TRPC5: variants seen among roughly 807,000 people sequenced by gnomAD.
TRPC5 encodes the protein transient receptor potential cation channel subfamily C member 5.
TRPC5 carries 9 observed loss-of-function variants against 56.5 expected under a neutral mutation model. That is an observed-to-expected ratio of 0.16 (90% CI 0.10 to 0.28). The LOEUF (loss-of-function observed/expected upper bound fraction) is 0.28, where lower values mean the gene tolerates loss of function less well. Ranked by LOEUF, TRPC5 falls within the 10% of genes least tolerant of loss-of-function variation. The pLI is 1.00. For missense variants in TRPC5, 469 were observed against 748.9 expected, an observed-to-expected ratio of 0.63 and a Z score of 4.36; for synonymous variants, 282 against 278.5, an observed-to-expected ratio of 1.01 and a Z score of -0.13.
At chrX:112,055,642 T>C (rs1468397140) in intron 1 of TRPC5, among the ~76,000 whole-genome samples, 1 of 109,541 alleles carries the variant, frequency 9.1e-6, no homozygotes, top group African/African-American at 3.3e-5. Flanking sequence ...ATGGTTAATT[T>C]CATCCTTATT....
intron 7 of TRPC5, among the ~76,000 whole-genome samples, chrX:111,816,872 A>G (rs1174653991): frequency 8.9e-6 from 1 of 111,990 alleles, no homozygotes; most frequent in Non-Finnish European, 1.9e-5. Context: ...ATGTACGGTC[A>G]GAAAGAACAG....
At chrX:111,808,068 G>C (rs1921580218) in intron 7 of TRPC5, among the ~76,000 whole-genome samples, 2 of 108,470 alleles carry the variant, frequency 1.8e-5, no homozygotes, top group African/African-American at 6.8e-5. Flanking sequence ...GACTTCCCTG[G>C]GTCAGACCTG....
chrX:111,829,553 A>G (rs1922347357), intron 7 of TRPC5, among the ~76,000 whole-genome samples: 1 of 112,007 alleles, frequency 8.9e-6, no homozygotes, highest in Admixed American at 9.4e-5. Context: ...GGCTAGGCCC[A>G]GGGACCACCT....
At chrX:111,883,145 A>G (rs1428613958) in intron 3 of TRPC5, among the ~76,000 whole-genome samples, 2 of 111,217 alleles carry the variant, frequency 1.8e-5, no homozygotes, top group African/African-American at 6.5e-5. Flanking sequence ...TCTAGATTGC[A>G]CAGTTAAATC....
In TRPC5 at chrX:111,774,089, T is replaced by A. The variant is rs777424466; in HGVS notation, c.*2224A>T. 1.8e-5 allele frequency among the ~76,000 whole-genome samples: 2 copies of A among 111,722 alleles called. No homozygotes were observed. The highest frequency in any genetic ancestry group is 6.5e-5 in the African/African-American group (2 of 30,787). ...AAAAGGAATGTACTCCCGTGACATATGACACTGGTTCTTTCAATAGTAGAG... is the reference window on the plus strand; with the variant it reads ...AAAAGGAATGTACTCCCGTGACATAAGACACTGGTTCTTTCAATAGTAGAG... On this transcript the variant is annotated 3_prime_UTR_variant, in exon 11 of 11. Transcript: ENST00000262839.
intron 1 of TRPC5, among the ~76,000 whole-genome samples, chrX:112,040,242 G>A (rs963159359): frequency 8.9e-6 from 1 of 112,170 alleles, no homozygotes; most frequent in Non-Finnish European, 1.9e-5. Flanking sequence ...TGATGTGTTC[G>A]TACATGACCT....
chrX:111,973,451 C>T, intron 1 of TRPC5, among the ~76,000 whole-genome samples: 1 of 112,133 alleles, frequency 8.9e-6, no homozygotes, highest in East Asian at 2.8e-4. Context: ...TAATATTTTT[C>T]CTCTGGAGAG....
At chrX:111,839,931 G>C (rs1922678308) in intron 6 of TRPC5, among the ~76,000 whole-genome samples, 2 of 111,384 alleles carry the variant, frequency 1.8e-5, no homozygotes, top group South Asian at 3.7e-4. Context: ...AGCACTTTGG[G>C]AGGCCAAGTT....
chrX:112,010,710 C>T (rs1223367019), intron 1 of TRPC5, among the ~76,000 whole-genome samples: 2 of 111,537 alleles, frequency 1.8e-5, no homozygotes, highest in African/African-American at 6.5e-5. Context: ...TAAGGCAGCT[C>T]CATTATAGTC....
At chrX:111,853,621 T>C (rs770729711) in intron 4 of TRPC5, 149 bp downstream of exon 4, 1 of 511,492 alleles carries the variant, frequency 2.0e-6, no homozygotes, top group Non-Finnish European at 3.3e-6. Flanking sequence ...GAACTACATT[T>C]CTGAGACTCT....
intron 7 of TRPC5, among the ~76,000 whole-genome samples, chrX:111,814,558 G>T (rs1015519640): frequency 4.5e-5 from 5 of 110,406 alleles, no homozygotes; most frequent in African/African-American, 1.3e-4. Context: ...AGACTCCCTT[G>T]CACCCTAGTA....
chrX:112,047,268 C>A (rs1447484446), intron 1 of TRPC5, among the ~76,000 whole-genome samples: 3 of 111,279 alleles, frequency 2.7e-5, no homozygotes, highest in Non-Finnish European at 5.7e-5. Context: ...CATCCATCCA[C>A]AAATATCCAT....
intron 1 of TRPC5, among the ~76,000 whole-genome samples, chrX:112,004,333 C>A (rs185765926): frequency 5.8e-4 from 65 of 112,101 alleles, no homozygotes; most frequent in African/African-American, 2.0e-3. Context: ...CAAGTAGTAA[C>A]CAGTGTGAAA....
At chrX:111,946,712 A>G (rs1207584431) in intron 2 of TRPC5, among the ~76,000 whole-genome samples, 3 of 112,637 alleles carry the variant, frequency 2.7e-5, no homozygotes, top group Non-Finnish European at 5.6e-5. Flanking sequence ...ATCACCCATC[A>G]TGTACTAGGC....
At chrX:111,879,049 C>T (rs1031394649) in intron 3 of TRPC5, among the ~76,000 whole-genome samples, 1 of 111,742 alleles carries the variant, frequency 8.9e-6, no homozygotes, top group East Asian at 2.8e-4. Context: ...GTTACAGCAG[C>T]GGTGTGTAAT....
intron 7 of TRPC5, among the ~76,000 whole-genome samples, chrX:111,807,489 T>C (rs1413748756): frequency 8.9e-6 from 1 of 112,609 alleles, no homozygotes; most frequent in Non-Finnish European, 1.9e-5. Flanking sequence ...TCTTGAATTT[T>C]GTTGAGTTCC....
At chrX:112,027,743 A>C (rs1432688797) in intron 1 of TRPC5, among the ~76,000 whole-genome samples, 1 of 110,457 alleles carries the variant, frequency 9.1e-6, no homozygotes, top group Non-Finnish European at 1.9e-5. Context: ...TGATCCACCC[A>C]CCTTGGCCTC....
intron 1 of TRPC5, among the ~76,000 whole-genome samples, chrX:111,982,779 G>A (rs1928115719): frequency 1.8e-5 from 2 of 111,160 alleles, no homozygotes. Context: ...CAAGGCATAA[G>A]GTCATGGGAG....
chrX:111,779,939 A>G (rs757784898), intron 9 of TRPC5, among the ~76,000 whole-genome samples: 3 of 112,022 alleles, frequency 2.7e-5, no homozygotes, highest in South Asian at 7.6e-4. Context: ...GCAGAAAATG[A>G]AGACAATGAA....
Sources: gnomAD v4.1 joint callset for allele counts (sites outside exome capture counted in the v4.1 genomes callset) on GRCh38, gnomAD v4.1.1 for gene constraint, MANE v1.5 for transcripts, NCBI Gene and HGNC (gene_info 2026-07-23, HGNC 2026-07-21) for gene names.